PPP2R5C: variants seen among roughly 807,000 people sequenced by gnomAD.
PPP2R5C encodes serine/threonine-protein phosphatase 2A 56 kDa regulatory subunit gamma isoform.
In PPP2R5C, 7 loss-of-function variants were observed where a neutral mutation model predicts 68.9. The observed-to-expected ratio is 0.10, with a 90% CI of 0.06 to 0.19. The LOEUF is 0.19. Ranked by LOEUF, PPP2R5C falls within the 10% of genes least tolerant of loss-of-function variation. The pLI, the probability that PPP2R5C is intolerant of heterozygous loss-of-function variation, is 1.00. For missense variants in PPP2R5C, 348 were observed against 641.3 expected (o/e 0.54, Z 4.94); for synonymous variants, 210 against 222.2 (o/e 0.95, Z 0.49).
At chr14:101,852,616 C>T (rs2042229921) in intron 1 of PPP2R5C, among the ~76,000 whole-genome samples, 1 of 151,554 alleles carries the variant, frequency 6.6e-6, no homozygotes, top group Non-Finnish European at 1.5e-5. Flanking sequence ...TTACAGGCAC[C>T]TGCCACCACA....
chr14:101,837,557 A>G (rs2041191714), intron 1 of PPP2R5C, among the ~76,000 whole-genome samples: 1 of 152,204 alleles, frequency 6.6e-6, no homozygotes, highest in South Asian at 2.1e-4. Flanking sequence ...ATAATGCAAT[A>G]AAAATAGAAA....
Position 101,854,952 on chromosome 14 carries a change from T to C in PPP2R5C, c.95-1734T>C, listed in dbSNP as rs371719283. On this transcript the variant is annotated intron_variant, in intron 1 of 13. Coordinates refer to ENST00000334743, the Ensembl canonical transcript of PPP2R5C. ...TGGGAGGCCAAGGCAAGTGGATCAC[T>C]TGAGGCCAGGAGCTCGAGACCAGCC... is the stretch of plus-strand genomic sequence containing the variant. Among the ~76,000 whole-genome samples the C allele has an allele frequency of 1.8e-3, 281 of 152,300 alleles. 2 individuals carry two copies. The highest frequency in any genetic ancestry group is 6.2e-3 in the African/African-American group (257 of 41,562).
At chr14:101,801,250 G>T (rs1332899773) in intron 3 of PPP2R5C, among the ~76,000 whole-genome samples, 2 of 152,174 alleles carry the variant, frequency 1.3e-5, no homozygotes, top group African/African-American at 4.8e-5. Context: ...CATGCTGGAG[G>T]TGATAGGTAT....
Position 101,915,620 on chromosome 14 carries a change from A to G in PPP2R5C, c.1327-2211A>G. On this transcript the variant is annotated intron_variant, in intron 12 of 13. Transcript: ENST00000334743. This position sits in a 1 kb window ranked among gnomAD's most constrained non-coding sequence, Gnocchi z 4.2. The stretch of plus-strand genomic sequence containing the variant: ...GTGTGAAACAGTCCCCGCAAGTCTC[A>G]GGAGTCTTGCAGCCACTTAGGTTTC... 6.6e-6 allele frequency among the ~76,000 whole-genome samples: 1 copy of G among 152,204 alleles called. No homozygotes were observed. The highest frequency in any genetic ancestry group is 1.9e-4 in the East Asian group (1 of 5,190).
intron 1 of PPP2R5C, among the ~76,000 whole-genome samples, chr14:101,848,127 G>C (rs1187963959): frequency 6.6e-6 from 1 of 152,058 alleles, no homozygotes; most frequent in Non-Finnish European, 1.5e-5. Flanking sequence ...TATATAAATA[G>C]AAAAAAATTA....
intron 2 of PPP2R5C, chr14:101,766,108 C>T (rs1406705147): frequency 6.6e-6 from 1 of 152,252 alleles, no homozygotes; most frequent in Non-Finnish European, 1.5e-5. Flanking sequence ...TAACACACTA[C>T]TTCAAGTATA....
upstream of PPP2R5C, chr14:101,760,720 T>A (rs1385289028): frequency 1.1e-6 from 1 of 884,154 alleles, no homozygotes; most frequent in Non-Finnish European, 1.3e-6. Flanking sequence ...TGCGGAAAGC[T>A]GAGCTGGTGA....
chr14:101,787,231 CA>C lies in PPP2R5C; in HGVS notation c.259+1049del, dbSNP rs2038136670. Among the ~76,000 whole-genome samples the C allele has an allele frequency of 2.6e-5, 4 of 152,170 alleles. No homozygotes were observed. In the South Asian group the frequency reaches 8.3e-4, roughly 32 times the overall value. On this transcript the variant is annotated intron_variant, in intron 3 of 14. Coordinates refer to the PPP2R5C transcript ENST00000328724. ...TGCCACTGCACTTCAGCGTGGATGA[CA>C]GACTGAGATCTTGTTCTCAGGAAAA...
chr14:101,787,277 CAGTG>C (rs1291972025), intron 3 of PPP2R5C, among the ~76,000 whole-genome samples: 1 of 152,102 alleles, frequency 6.6e-6, no homozygotes, highest in African/African-American at 2.4e-5. Flanking sequence ...AATATGAACT[CAGTG>C]AGAGCAGGCA....
At chr14:101,843,006 G>A (rs2041592750) in intron 1 of PPP2R5C, among the ~76,000 whole-genome samples, 1 of 152,022 alleles carries the variant, frequency 6.6e-6, no homozygotes, top group African/African-American at 2.4e-5. Flanking sequence ...GGGAAAGATT[G>A]ATTGAGCCCA....
intron 10 of PPP2R5C, among the ~76,000 whole-genome samples, chr14:101,907,323 G>A (rs948573605): frequency 9.9e-5 from 15 of 151,678 alleles, no homozygotes; most frequent in Admixed American, 6.6e-4. Context: ...GGCACCCACC[G>A]CTACGCCTGG....
intron 2 of PPP2R5C, among the ~76,000 whole-genome samples, chr14:101,876,545 T>G (rs2043793250): frequency 6.6e-6 from 1 of 152,254 alleles, no homozygotes; most frequent in Non-Finnish European, 1.5e-5. Flanking sequence ...TGCATGATAT[T>G]GCTGAATTGT....
upstream of PPP2R5C, among the ~76,000 whole-genome samples, chr14:101,808,945 C>G (rs2039193387): frequency 6.6e-6 from 1 of 152,144 alleles, no homozygotes; most frequent in African/African-American, 2.4e-5. Flanking sequence ...TAATGTTTTT[C>G]TCCTTGGAAT....
Position 101,899,052 on chromosome 14 carries a change from A to G in PPP2R5C, c.853-2667A>G, listed in dbSNP as rs2045526503. Among the ~76,000 whole-genome samples, 1 of 152,192 alleles carries G rather than the reference A, an allele frequency of 6.6e-6. No homozygotes were observed. The highest frequency in any genetic ancestry group is 2.4e-5 in the African/African-American group (1 of 41,444). On this transcript the variant is annotated intron_variant, in intron 8 of 13. Transcript: ENST00000334743. The surrounding 1 kb of genome is among the most constrained non-coding windows in gnomAD (Gnocchi z 4.2). ...AAAGTAAGATCCACTTAGAAGACTGAGATATGAAGGACATGTGTTGCCCCA... is the reference window on the plus strand; with the variant it reads ...AAAGTAAGATCCACTTAGAAGACTGGGATATGAAGGACATGTGTTGCCCCA...
Position 101,797,452 on chromosome 14 carries a change from G to A in PPP2R5C, c.259+11269G>A, listed in dbSNP as rs2038666829. The A allele has an allele frequency of 1.1e-5, 4 of 369,728 alleles. No individual in the cohort carries two copies. Among genetic ancestry groups the A allele is most frequent in the Admixed American group, 9.3e-5 (3 of 32,142 alleles). The allele number at this position is 369,728 out of a possible 1,614,324, so 22.9% of individuals were successfully genotyped here. On this transcript the variant is annotated intron_variant, in intron 3 of 14. Transcript: ENST00000328724. The surrounding 1 kb of genome is among the most constrained non-coding windows in gnomAD (Gnocchi z 4.2). Reference sequence around the variant, plus strand: ...GGAAACACACAGTGTGTCTCCTGAAGGAATGAAAAGCCCTCCTGGCCCCTC... The same window carrying A: ...GGAAACACACAGTGTGTCTCCTGAAAGAATGAAAAGCCCTCCTGGCCCCTC...
exon 2 of PPP2R5C, chr14:101,856,778 C>T: frequency 6.2e-7 from 1 of 1,613,592 alleles, no homozygotes; most frequent in East Asian, 2.2e-5. Flanking sequence ...ACTAAGTGAC[C>T]TAAAGTGGAA....
Position 101,888,753 on chromosome 14 carries a change from G to A in PPP2R5C, c.630-1484G>A, listed in dbSNP as rs142587433. On this transcript the variant is annotated intron_variant, in intron 5 of 13. Coordinates refer to ENST00000334743, the Ensembl canonical transcript of PPP2R5C. The surrounding 1 kb of genome is among the most constrained non-coding windows in gnomAD (Gnocchi z 5.6). Reference sequence around the variant, plus strand: ...ATTACAGGCATGTGCCACCATGCCCGGCTAATTTTTATATATTTAGTAGAG... The same window carrying A: ...ATTACAGGCATGTGCCACCATGCCCAGCTAATTTTTATATATTTAGTAGAG... Among the ~76,000 whole-genome samples the A allele has an allele frequency of 3.9e-3, 595 of 152,234 alleles. 2 individuals carry two copies. The highest frequency in any genetic ancestry group is 0.014 in the African/African-American group (571 of 41,542).
At chr14:101,901,256 C>G (rs1167532450) in intron 8 of PPP2R5C, among the ~76,000 whole-genome samples, 2 of 151,990 alleles carry the variant, frequency 1.3e-5, no homozygotes, top group Non-Finnish European at 2.9e-5. Flanking sequence ...AAATTATTGT[C>G]CTAACTTCTT....
In PPP2R5C at chr14:101,797,243, C is replaced by G; in HGVS notation, c.259+11060C>G. ...CACATTGTAGCACGTGCCAGACCCT[C>G]GCTCCCGTCGAAGGCTGATGCCATC... On this transcript the variant is annotated intron_variant, in intron 3 of 14. Transcript: ENST00000328724. The surrounding 1 kb of genome is among the most constrained non-coding windows in gnomAD (Gnocchi z 4.2). 2.2e-6 allele frequency: 1 copy of G among 456,034 alleles called. No homozygotes were observed. Among genetic ancestry groups the G allele is most frequent in the South Asian group, 1.5e-5 (1 of 64,552 alleles). 28.2% of individuals were successfully genotyped at this position (456,034 alleles called of 1,614,324 possible).
Sources: gnomAD v4.1 joint callset for allele counts (sites outside exome capture counted in the v4.1 genomes callset) on GRCh38, gnomAD v4.1.1 for gene constraint, Gnocchi (gnomAD v3.1) non-coding constraint, MANE v1.5 for transcripts, NCBI Gene and HGNC (gene_info 2026-07-23, HGNC 2026-07-21) for gene names.